Variants in CARMIL1 observed in about 807,000 individuals in gnomAD.
CARMIL1 encodes the protein F-actin-uncapping protein LRRC16A.
In CARMIL1, 90 loss-of-function variants were observed where a neutral mutation model predicts 177.1. The observed-to-expected ratio is 0.51, with a 90% CI of 0.43 to 0.61. The LOEUF is 0.61. Among genes scored for constraint, CARMIL1 ranks in the 20% least tolerant of loss-of-function variants. The pLI, the probability that CARMIL1 is intolerant of heterozygous loss-of-function variation, is 0.00. For synonymous variants in CARMIL1, 577 were observed against 606.2 expected, an observed-to-expected ratio of 0.95 and a Z score of 0.71; for missense variants, 1,380 against 1,667.0, an observed-to-expected ratio of 0.83 and a Z score of 3.00.
chr6:25,284,642 G>A (rs1357208556), intron 1 of CARMIL1, among the ~76,000 whole-genome samples, 170 bp from the exon 2 acceptor site: 1 of 152,200 alleles, frequency 6.6e-6, no homozygotes, highest in African/African-American at 2.4e-5. Flanking sequence ...CCAGGAGGCG[G>A]AGGTTGCAGT....
rs6902818 is a variant in CARMIL1 at position 25,548,727 on chromosome 6, A to G, written c.2329-2183A>G. On this transcript the variant is annotated intron_variant, in intron 26 of 36. Coordinates refer to ENST00000329474, the MANE Select transcript of CARMIL1 (RefSeq NM_017640.6). Reference sequence around the variant, plus strand: ...GGAACAAACTTATAAGTAATGAAGCAGAGACGGAAGGCACATTCTTTTGGA... The same window carrying G: ...GGAACAAACTTATAAGTAATGAAGCGGAGACGGAAGGCACATTCTTTTGGA... Among the ~76,000 whole-genome samples, 1,109 of 152,324 alleles carry G rather than the reference A, an allele frequency of 7.3e-3. 14 individuals are homozygous for G. The highest frequency in any genetic ancestry group is 0.026 in the African/African-American group (1,061 of 41,576).
chr6:25,450,985 C>T (rs1200465036), intron 8 of CARMIL1, among the ~76,000 whole-genome samples: 100 of 2,086 alleles, frequency 0.048, 7 homozygotes, highest in South Asian at 0.12. Flanking sequence ...TCCTCTCCCC[C>T]TCCCCTCTCC....
intron 3 of CARMIL1, among the ~76,000 whole-genome samples, chr6:25,423,823 G>A (rs1258694748): frequency 6.6e-6 from 1 of 152,152 alleles, no homozygotes; most frequent in Non-Finnish European, 1.5e-5. Context: ...TTTAATTAGT[G>A]TAATTTCTAA....
chr6:25,537,881 A>T lies in CARMIL1; in HGVS notation c.2094A>T (p.Val698=). Reference sequence around the variant, plus strand: ...TGATTGACAGAATATGTGTGAAAGTACAAGATCATCTCAACTCCTTACGAA... The same window carrying T: ...TGATTGACAGAATATGTGTGAAAGTTCAAGATCATCTCAACTCCTTACGAA... The part of the protein sequence containing the change: ...QQMIDRICVK[V]QDHLNSLRNC... Residue 698 remains valine (V), a synonymous_variant, in exon 25 of 37, where the codon GTA becomes GTT. Coordinates refer to ENST00000329474, the MANE Select transcript of CARMIL1 (RefSeq NM_017640.6). 3 of 1,610,786 alleles carry T rather than the reference A, an allele frequency of 1.9e-6. No homozygotes were observed. Among genetic ancestry groups the T allele is most frequent in the Non-Finnish European group, 2.5e-6 (3 of 1,178,696 alleles).
chr6:25,371,538 G>T (rs1028218599), intron 2 of CARMIL1, among the ~76,000 whole-genome samples: 5 of 152,076 alleles, frequency 3.3e-5, no homozygotes, highest in South Asian at 2.1e-4. Flanking sequence ...TTGTATATTT[G>T]TTGGCCATTT....
Position 25,619,858 on chromosome 6 carries a change from T to G in CARMIL1, c.*275T>G. On this transcript the variant is annotated 3_prime_UTR_variant, in exon 37 of 37. Transcript: ENST00000329474. ...ATTTCTAAACATTCCTTCATATGCC[T>G]TTAATGAAAGCCAGCAATTATCCCA... 1 of 207,052 alleles carries G rather than the reference T, an allele frequency of 4.8e-6. No homozygotes were observed. The allele number at this position is 207,052 out of a possible 1,614,324, so 12.8% of individuals were successfully genotyped here.
At chr6:25,333,505 C>G (rs71555194) in intron 2 of CARMIL1, among the ~76,000 whole-genome samples, 20,525 of 152,202 alleles carry the variant, frequency 0.13, 1,430 homozygotes, top group Middle Eastern at 0.19. Context: ...GGTCGAGGCT[C>G]CTGTGAGCCA....
intron 2 of CARMIL1, among the ~76,000 whole-genome samples, chr6:25,341,433 C>A (rs976878251): frequency 1.3e-5 from 2 of 152,178 alleles, no homozygotes; most frequent in African/African-American, 4.8e-5. Context: ...ATAGAAAACT[C>A]AGAATGCCGG....
intron 2 of CARMIL1, among the ~76,000 whole-genome samples, chr6:25,346,206 T>A (rs576777098): frequency 6.6e-6 from 1 of 152,298 alleles, no homozygotes; most frequent in East Asian, 1.9e-4. Context: ...AGCTGTGGTG[T>A]GCCCTAGCCC....
intron 36 of CARMIL1, among the ~76,000 whole-genome samples, chr6:25,615,727 A>G (rs1190758825): frequency 2.0e-5 from 3 of 152,222 alleles, no homozygotes; most frequent in Non-Finnish European, 4.4e-5. Context: ...AACAGTTGGC[A>G]TGTTGGGCTC....
intron 2 of CARMIL1, among the ~76,000 whole-genome samples, chr6:25,312,947 G>C (rs1338983712): frequency 6.7e-6 from 1 of 150,216 alleles, no homozygotes; most frequent in Admixed American, 6.6e-5. Flanking sequence ...GGAGGGGAAC[G>C]AGTGGAGAGA....
intron 2 of CARMIL1, among the ~76,000 whole-genome samples, chr6:25,395,636 A>G (rs1793308080): frequency 6.6e-6 from 1 of 152,208 alleles, no homozygotes; most frequent in Admixed American, 6.5e-5. Flanking sequence ...TACATAAGTT[A>G]CATTTTGGGA....
intron 2 of CARMIL1, among the ~76,000 whole-genome samples, chr6:25,340,777 G>GTTTTTTTTTTTTTTTTT (rs34928775): frequency 8.1e-5 from 7 of 86,158 alleles, no homozygotes; most frequent in Non-Finnish European, 9.1e-5. Context: ...GTCAATGAAG[G>GTTTTTTTTTTTTTTTTT]TTTTTTTTTT....
intron 2 of CARMIL1, among the ~76,000 whole-genome samples, chr6:25,409,618 C>T (rs4440453): frequency 0.19 from 28,573 of 151,996 alleles, 3,031 homozygotes; most frequent in Non-Finnish European, 0.24. Flanking sequence ...TGGTGGATCC[C>T]GCTTACAGGT....
chr6:25,609,760 T>C (rs1274923831), intron 35 of CARMIL1, among the ~76,000 whole-genome samples: 1 of 152,218 alleles, frequency 6.6e-6, no homozygotes, highest in Non-Finnish European at 1.5e-5. Context: ...AAGGAACATA[T>C]GGTTCACATA....
intron 32 of CARMIL1, among the ~76,000 whole-genome samples, chr6:25,598,359 C>T (rs1815054912): frequency 6.6e-6 from 1 of 152,038 alleles, no homozygotes; most frequent in Non-Finnish European, 1.5e-5. Context: ...CTACCTCAGA[C>T]TCTTGATTAG....
intron 2 of CARMIL1, among the ~76,000 whole-genome samples, chr6:25,293,028 G>GA (rs976967975): frequency 3.3e-5 from 5 of 151,796 alleles, no homozygotes; most frequent in Non-Finnish European, 1.5e-5. Flanking sequence ...TAAAATAGAT[G>GA]AAAAATGTAG....
rs1190662445 is a variant in CARMIL1, at chr6:25,388,707, TCATC to T, written c.139-31406_139-31403del. ...TTTTAAGAGACAGGGTGTTGCTCTGTCATCTAGGCTGGAGTGCAATGGCATGATC... is the reference window on the plus strand; with the variant it reads ...TTTTAAGAGACAGGGTGTTGCTCTGTTAGGCTGGAGTGCAATGGCATGATC... On this transcript the variant is annotated intron_variant, in intron 2 of 36. Coordinates refer to ENST00000329474, the MANE Select transcript of CARMIL1 (RefSeq NM_017640.6). 2.6e-5 allele frequency among the ~76,000 whole-genome samples: 4 copies of T among 151,926 alleles called. No homozygotes were observed. In the East Asian group the frequency reaches 7.8e-4, roughly 29 times the overall value.
At chr6:25,586,927 A>C (rs1420875343) in intron 31 of CARMIL1, among the ~76,000 whole-genome samples, 1 of 151,318 alleles carries the variant, frequency 6.6e-6, no homozygotes, top group Non-Finnish European at 1.5e-5. Context: ...TCGGCTCGGC[A>C]TCAGATAGAG....
Sources: allele counts gnomAD v4.1 joint callset (sites outside exome capture counted in the v4.1 genomes callset), GRCh38; gene constraint gnomAD v4.1.1; transcripts MANE v1.5; gene names NCBI Gene and HGNC (gene_info 2026-07-23, HGNC 2026-07-21).